Variants in ADAMTS13 observed in about 807,000 individuals in gnomAD.
ADAMTS13 encodes the protein A disintegrin and metalloproteinase with thrombospondin motifs 13.
In ADAMTS13, 110 loss-of-function variants were observed where a neutral mutation model predicts 155.1. The observed-to-expected ratio is 0.71, with a 90% CI of 0.61 to 0.83. ADAMTS13 has a LOEUF of 0.83. ADAMTS13 is among the 40% of genes least tolerant of loss of function. The pLI, the probability that ADAMTS13 is intolerant of heterozygous loss-of-function variation, is 0.00. For synonymous variants in ADAMTS13, 758 were observed against 756.4 expected (o/e 1.00, Z -0.03); for missense variants, 1,707 against 1,891.7 (o/e 0.90, Z 1.81).
intron 14 of ADAMTS13, 35 bp from the exon 15 acceptor site, chr9:133,439,331 G>A (rs1034549296): frequency 6.7e-7 from 1 of 1,490,074 alleles, no homozygotes; most frequent in Non-Finnish European, 9.4e-7. Flanking sequence ...GTGGCTGTGA[G>A]GTCCACGCAT....
rs1423061054 is a variant in ADAMTS13 at position 133,459,379 on chromosome 9, C to A, written c.*199C>A. On this transcript the variant is annotated 3_prime_UTR_variant, in exon 29 of 29. Transcript: ENST00000355699. ...CTCGGGTACCAATAAATAAAACATG[C>A]AGGCTGACCGGCGTTTTTTTCTTAT... 6 of 695,628 alleles carry A rather than the reference C, an allele frequency of 8.6e-6. No homozygotes were observed. The Admixed American group carries it at 1.2e-4, about 14-fold the overall frequency. 43.1% of individuals were successfully genotyped at this position (695,628 alleles called of 1,614,324 possible). A position where few individuals can be genotyped will look rare whatever the true frequency, so the allele number is the denominator to read the frequency against.
At chr9:133,415,090 T>C in intron 1 of ADAMTS13, 1 of 1,133,310 alleles carries the variant, frequency 8.8e-7, no homozygotes, top group Non-Finnish European at 1.3e-6. Context: ...TACGTGTGTA[T>C]GTATATACAC....
rs866981911 is a variant in ADAMTS13, at chr9:133,433,404, C to T, written c.1119C>T (p.Ser373=). 3.1e-6 allele frequency: 5 copies of T among 1,612,980 alleles called. No homozygotes were observed. Among genetic ancestry groups the T allele is most frequent in the Non-Finnish European group, 4.2e-6 (5 of 1,179,938 alleles). The stretch of plus-strand genomic sequence containing the variant: ...GGTGCTCCAAGGGTCGCTGCCGCTC[C>T]CTGGTGGAGCTGACCCCCATAGCAG... ...EKWCSKGRCR[S]LVELTPIAAV... The change falls in exon 10 of 29, where the codon TCC becomes TCT. Residue 373 remains serine, a synonymous_variant. Coordinates refer to ENST00000355699, the MANE Select transcript of ADAMTS13 (RefSeq NM_139027.6).
At chr9:133,415,391 A>G (rs1839520599) in intron 1 of ADAMTS13, among the ~76,000 whole-genome samples, 1 of 150,180 alleles carries the variant, frequency 6.7e-6, no homozygotes, top group South Asian at 2.1e-4. Context: ...TTGGGCCAAC[A>G]TCCTGCTACA....
Position 133,425,663 on chromosome 9 carries a change from T to A in ADAMTS13, c.414+51T>A. 1 of 1,570,330 alleles carries A rather than the reference T, an allele frequency of 6.4e-7. No individual in the cohort carries two copies. The highest frequency in any genetic ancestry group is 8.7e-7 in the Non-Finnish European group (1 of 1,148,830). Reference sequence around the variant, plus strand: ...CACCATACAGAGCGGGAAGCCCAAGTCATCGCATCTCCATCCTCTTTAACC... The same window carrying A: ...CACCATACAGAGCGGGAAGCCCAAGACATCGCATCTCCATCCTCTTTAACC... On this transcript the variant is annotated intron_variant, in intron 4 of 28. Transcript: ENST00000355699. The surrounding 1 kb of genome is among the most constrained non-coding windows in gnomAD (Gnocchi z 4.6).
Position 133,424,374 on chromosome 9 carries a change from G to T in ADAMTS13, c.226G>T (p.Ala76Ser), listed in dbSNP as rs1554784596. 1 of 1,613,402 alleles carries T rather than the reference G, an allele frequency of 6.2e-7. No homozygotes were observed. Among genetic ancestry groups the T allele is most frequent in the Non-Finnish European group, 8.5e-7 (1 of 1,179,976 alleles). ...GCAGAGGCAGAGGCAGAGGCGGGCT[G>T]CAGGCGGCATCCTACACCTGGAGCT... Reference protein sequence around the residue: ...QRQRQRQRRAAGGILHLELLV... With the variant: ...QRQRQRQRRASGGILHLELLV... Residue 76 changes from alanine to serine, a missense_variant, in exon 3 of 29, where the codon GCA becomes TCA. Ala to Ser is a moderately conservative substitution (Grantham distance 99). Transcript: ENST00000355699. This position sits in a 1 kb window ranked among gnomAD's most constrained non-coding sequence, Gnocchi z 4.3.
chr9:133,427,482 G>C (rs1358572548), intron 6 of ADAMTS13, among the ~76,000 whole-genome samples: 1 of 152,222 alleles, frequency 6.6e-6, no homozygotes, highest in Non-Finnish European at 1.5e-5. Flanking sequence ...CTCTGAGCCT[G>C]GGAGGGTTGA....
chr9:133,448,969 G>A (rs1842253122), intron 22 of ADAMTS13, among the ~76,000 whole-genome samples: 2 of 152,202 alleles, frequency 1.3e-5, no homozygotes, highest in Non-Finnish European at 2.9e-5. Context: ...CCCTTCCCAA[G>A]GAGACAGGGG....
rs143293252 is a variant in ADAMTS13, at chr9:133,439,864, C to G, written c.1786+418C>G. On this transcript the variant is annotated intron_variant, in intron 15 of 28. Coordinates refer to ENST00000355699, the MANE Select transcript of ADAMTS13 (RefSeq NM_139027.6). ...TTGACTAATTGGCCAGGTGGATACTCTCAGTCTCTTGGTGACCCAGCCCCT... is the reference window on the plus strand; with the variant it reads ...TTGACTAATTGGCCAGGTGGATACTGTCAGTCTCTTGGTGACCCAGCCCCT... 1.3e-4 allele frequency among the ~76,000 whole-genome samples: 20 copies of G among 152,338 alleles called. No individual in the cohort carries two copies. The East Asian group carries it at 3.9e-3, about 29-fold the overall frequency.
Position 133,455,412 on chromosome 9 carries a change from G to C in ADAMTS13, c.3377G>C (p.Trp1126Ser), listed in dbSNP as rs1554795472. The C allele has an allele frequency of 6.2e-7, 1 of 1,612,638 alleles. No homozygotes were observed. The highest frequency in any genetic ancestry group is 8.5e-7 in the Non-Finnish European group (1 of 1,179,908). ...AAGCCGGTGACTGTGCGTGGCTGCT[G>C]GGCTGGGCCCTGTGTGGGACAGGGT... ...LPKPVTVRGC[W>S]AGPCVGQGAC... The change falls in exon 25 of 29, where the codon TGG becomes TCG. Residue 1126 changes from tryptophan (W) to serine (S), a missense_variant. By Grantham distance (177) the Trp-to-Ser change is radical. Transcript: ENST00000355699.
Position 133,453,785 on chromosome 9 carries a change from G to A in ADAMTS13, c.3045-630G>A, listed in dbSNP as rs148183390. Among the ~76,000 whole-genome samples, 365 of 152,312 alleles carry A rather than the reference G, an allele frequency of 2.4e-3. 3 individuals are homozygous for A. Among genetic ancestry groups the A allele is most frequent in the African/African-American group, 8.6e-3 (357 of 41,566 alleles). On this transcript the variant is annotated intron_variant, in intron 23 of 28. Transcript: ENST00000355699. ...CCCAATGGAGAACAATCCACGCTCTGAGAGGAGGTGGGGTCTGGTTTGGTT... is the reference window on the plus strand; with the variant it reads ...CCCAATGGAGAACAATCCACGCTCTAAGAGGAGGTGGGGTCTGGTTTGGTT...
chr9:133,449,792 C>T lies in ADAMTS13; in HGVS notation c.2871C>T (p.Tyr957=). ...CTCCAGTTTGCTCCAGGTGGCAGTA[C>T]AAGCTGGCGGCCTGCAGCGTGAGCT... ...QAVPCPARWQ[Y]KLAACSVSCG... The change falls in exon 23 of 29, where the codon TAC becomes TAT. Residue 957 remains tyrosine (Y), a synonymous_variant. Coordinates refer to ENST00000355699, the MANE Select transcript of ADAMTS13 (RefSeq NM_139027.6). 3.1e-6 allele frequency: 5 copies of T among 1,613,950 alleles called. No individual in the cohort carries two copies. The highest frequency in any genetic ancestry group is 4.2e-6 in the Non-Finnish European group (5 of 1,180,032).
At position 133,438,443 on chromosome 9, in the gene ADAMTS13, G is replaced by C. The variant is rs183893782; in HGVS notation, c.1705+77G>C. 206 of 1,592,544 alleles carry C rather than the reference G, an allele frequency of 1.3e-4. No individual in the cohort carries two copies. In the Admixed American group the frequency reaches 3.5e-3, roughly 27 times the overall value. On this transcript the variant is annotated intron_variant, in intron 14 of 28. Transcript: ENST00000355699. Reference sequence around the variant, plus strand: ...GGCCACAGCCCAGAGCGTTGGTGCAGGGGCTGCTCAGGTCACAGGGCCTGC... The same window carrying C: ...GGCCACAGCCCAGAGCGTTGGTGCACGGGCTGCTCAGGTCACAGGGCCTGC...
At chr9:133,429,109 G>A (rs1051805981) in intron 7 of ADAMTS13, among the ~76,000 whole-genome samples, 16 of 128,564 alleles carry the variant, frequency 1.2e-4, no homozygotes, top group Non-Finnish European at 2.5e-4. Flanking sequence ...CGCGCCCACA[G>A]CTCCGTCCCA....
At chr9:133,451,489 C>G (rs1554794339) in intron 23 of ADAMTS13, among the ~76,000 whole-genome samples, 2 of 152,206 alleles carry the variant, frequency 1.3e-5, no homozygotes, top group African/African-American at 4.8e-5. Context: ...AACTCCTGAC[C>G]TCAGGAGATC....
chr9:133,432,376 G>T (rs1290803665), intron 8 of ADAMTS13, among the ~76,000 whole-genome samples: 2 of 152,226 alleles, frequency 1.3e-5, no homozygotes, highest in Non-Finnish European at 2.9e-5. Context: ...ATTTCCATGG[G>T]CCCCCAAAAG....
chr9:133,433,143 G>A (rs1427971300), intron 9 of ADAMTS13, among the ~76,000 whole-genome samples: 1 of 145,866 alleles, frequency 6.9e-6, no homozygotes, highest in Non-Finnish European at 1.5e-5. Flanking sequence ...TGGGTCTGGG[G>A]GATCCATGTG....
At chr9:133,414,891 C>A in intron 1 of ADAMTS13, 1 of 1,614,164 alleles carries the variant, frequency 6.2e-7, no homozygotes, top group Non-Finnish European at 8.5e-7. Flanking sequence ...ATCTCCTCTC[C>A]CTTCACTTGA....
rs782541751 is a variant in ADAMTS13, at chr9:133,433,658, G to A, written c.1262G>A (p.Arg421His). Residue 421 changes from arginine to histidine, a missense_variant, in exon 11 of 29, where the codon CGT becomes CAT. Transcript: ENST00000355699. Reference protein sequence around the residue: ...CNNPRPAFGGRACVGADLQAE... With the variant: ...CNNPRPAFGGHACVGADLQAE... The stretch of plus-strand genomic sequence containing the variant: ...ATTTTCAGACCTGCCTTTGGGGGGC[G>A]TGCATGTGTTGGTGCTGACCTCCAG... 1.2e-5 allele frequency: 19 copies of A among 1,613,846 alleles called. No homozygotes were observed. Among genetic ancestry groups the A allele is most frequent in the African/African-American group, 9.3e-5 (7 of 74,894 alleles).
Sources: allele counts gnomAD v4.1 joint callset (sites outside exome capture counted in the v4.1 genomes callset), GRCh38; gene constraint gnomAD v4.1.1; non-coding constraint Gnocchi (gnomAD v3.1); transcripts MANE v1.5; gene names NCBI Gene and HGNC (gene_info 2026-07-23, HGNC 2026-07-21).